Variants in C14orf93 observed in about 807,000 individuals in gnomAD.
C14orf93 encodes the protein chromosome 14 open reading frame 93.
Under a neutral mutation model 44.0 loss-of-function variants are expected in C14orf93, and 23 were observed. The observed-to-expected ratio is 0.52, with a 90% CI of 0.38 to 0.74. The LOEUF (loss-of-function observed/expected upper bound fraction) is 0.74, where lower values mean the gene tolerates loss of function less well. Among genes scored for constraint, C14orf93 ranks in the 30% least tolerant of loss-of-function variants. The pLI is 0.00. For missense variants in C14orf93, 579 were observed against 678.9 expected (o/e 0.85, Z 1.64); for synonymous variants, 253 against 265.7 (o/e 0.95, Z 0.46).
At chr14:23,008,823 C>G (rs571648559) in intron 1 of C14orf93, among the ~76,000 whole-genome samples, 2 of 152,212 alleles carry the variant, frequency 1.3e-5, no homozygotes, top group African/African-American at 4.8e-5. Context: ...AAAGGCATTT[C>G]TTATCCCTTC....
intron 2 of C14orf93, among the ~76,000 whole-genome samples, chr14:22,997,325 T>C (rs1444466520): frequency 1.3e-5 from 2 of 152,166 alleles, no homozygotes; most frequent in Non-Finnish European, 1.5e-5. Flanking sequence ...TATGTATTCA[T>C]TTCTCAGATC....
Position 22,987,495 on chromosome 14 carries a change from CG to C in C14orf93, c.1336del (p.Arg446ValfsTer81). 2.5e-6 allele frequency: 4 copies of C among 1,614,224 alleles called. No homozygotes were observed. Among genetic ancestry groups the C allele is most frequent in the Non-Finnish European group, 3.4e-6 (4 of 1,180,048 alleles). On this transcript the variant is annotated frameshift_variant, in exon 7 of 7. Coordinates refer to ENST00000299088, the MANE Select transcript of C14orf93 (RefSeq NM_021944.4). LOFTEE classifies it high-confidence loss of function. This position sits in a 1 kb window ranked among gnomAD's most constrained non-coding sequence, Gnocchi z 5.6. ...EPGVWVARPP[R>X]FRAQRLTELC... ...CTCTGTGAGGCGCTGGGCCCGGAAACGGGGAGGGCGGGCCACCCACACACCT... is the reference window on the plus strand; with the variant it reads ...CTCTGTGAGGCGCTGGGCCCGGAAACGGGAGGGCGGGCCACCCACACACCT...
Position 22,986,812 on chromosome 14 carries a change from C to T in C14orf93, c.*403G>A, listed in dbSNP as rs2045249700. Reference sequence around the variant, plus strand: ...TCCACTGCAGAGCAAGACAAGTAGTCACAGGGAAGCAAAAGGTACAACCTG... The same window carrying T: ...TCCACTGCAGAGCAAGACAAGTAGTTACAGGGAAGCAAAAGGTACAACCTG... On this transcript the variant is annotated 3_prime_UTR_variant, in exon 7 of 7. Transcript: ENST00000299088. The T allele has an allele frequency of 1.4e-5, 3 of 215,330 alleles. No homozygotes were observed. The Admixed American group carries it at 1.6e-4, about 11-fold the overall frequency. The allele number at this position is 215,330 out of a possible 1,614,324, so 13.3% of individuals were successfully genotyped here. A position where few individuals can be genotyped will look rare whatever the true frequency, so the allele number is the denominator to read the frequency against.
At position 22,987,146 on chromosome 14, in the gene C14orf93, A is replaced by C; in HGVS notation, c.*69T>G. On this transcript the variant is annotated 3_prime_UTR_variant, in exon 7 of 7. Transcript: ENST00000299088. This position sits in a 1 kb window ranked among gnomAD's most constrained non-coding sequence, Gnocchi z 5.6. ...CACAGAGCATCTCATTATTTTGTGA[A>C]GCCCCATGGCCACCTATTTCTGAGA... The C allele has an allele frequency of 1.4e-6, 2 of 1,454,402 alleles. No individual in the cohort carries two copies. The highest frequency in any genetic ancestry group is 1.8e-6 in the Non-Finnish European group (2 of 1,083,234). The allele number at this position is 1,454,402 out of a possible 1,614,324, so 90.1% of individuals were successfully genotyped here.
At chr14:23,009,327 C>T (rs562496759) in intron 1 of C14orf93, among the ~76,000 whole-genome samples, 74 of 152,086 alleles carry the variant, frequency 4.9e-4, no homozygotes, top group African/African-American at 1.5e-3. Context: ...GGGAAGACAA[C>T]GGAAAAAAAT....
intron 1 of C14orf93, among the ~76,000 whole-genome samples, 169 bp from the exon 2 acceptor site, chr14:22,999,571 T>C (rs758628676): frequency 5.4e-4 from 82 of 152,326 alleles, no homozygotes; most frequent in Admixed American, 1.8e-3. Flanking sequence ...CTAGGAAACA[T>C]ATTACTCCAG....
At chr14:22,997,196 C>T (rs1365017830) in intron 2 of C14orf93, among the ~76,000 whole-genome samples, 9 of 152,290 alleles carry the variant, frequency 5.9e-5, no homozygotes, top group East Asian at 5.8e-4. Context: ...GCTGGAACCA[C>T]GGAGAGTCCT....
Position 22,996,244 on chromosome 14 carries a change from C to G in C14orf93, c.622G>C (p.Glu208Gln). ...NPLVDDYVAS[E>Q]GAVQRVLVPA... ...ACCAGAACTCGCTGTACTGCACCCT[C>G]AGAGGCCACGTAATCATCCACCAGC... Residue 208 changes from glutamate (E) to glutamine (Q), a missense_variant, in exon 3 of 7, where the codon GAG (glutamate) becomes CAG (glutamine). Physicochemically the swap from Glu to Gln is conservative, Grantham distance 29 (BLOSUM62 2). Transcript: ENST00000299088. This position sits in a 1 kb window ranked among gnomAD's most constrained non-coding sequence, Gnocchi z 4.1. 6.4e-7 allele frequency: 1 copy of G among 1,565,988 alleles called. No individual in the cohort carries two copies. The highest frequency in any genetic ancestry group is 1.2e-5 in the South Asian group (1 of 85,864).
chr14:22,991,347 A>G (rs10873070), intron 3 of C14orf93, among the ~76,000 whole-genome samples: 104,913 of 146,346 alleles, frequency 0.72, 38,550 homozygotes, highest in African/African-American at 0.92. Context: ...GGGTTCAAGC[A>G]ATTCTCCTGC....
chr14:23,007,188 C>T (rs763933383), intron 1 of C14orf93: 1 of 152,282 alleles, frequency 6.6e-6, no homozygotes, highest in African/African-American at 2.4e-5. Flanking sequence ...CCCCGTTTGC[C>T]TTCTGGCTCC....
rs1040759178 is a variant in C14orf93 at position 22,986,874 on chromosome 14, G to A, written c.*341C>T. 1.0e-5 allele frequency: 3 copies of A among 296,792 alleles called. No individual in the cohort carries two copies. Among genetic ancestry groups the A allele is most frequent in the African/African-American group, 6.5e-5 (3 of 45,948 alleles). The allele number at this position is 296,792 out of a possible 1,614,324, so 18.4% of individuals were successfully genotyped here. A position where few individuals can be genotyped will look rare whatever the true frequency, so the allele number is the denominator to read the frequency against. On this transcript the variant is annotated 3_prime_UTR_variant, in exon 7 of 7. Coordinates refer to ENST00000299088, the MANE Select transcript of C14orf93 (RefSeq NM_021944.4). ...CAGAGCTTTGGGTGGAACTGGGCAG[G>A]GGCAGAAACAACTCAGAGACAGGGC...
chr14:22,996,202 G>T lies in C14orf93; in HGVS notation c.664C>A (p.Gln222Lys). The change falls in exon 3 of 7, where the codon CAA becomes AAA. Residue 222 changes from glutamine to lysine, a missense_variant. Transcript: ENST00000299088. The surrounding 1 kb of genome is among the most constrained non-coding windows in gnomAD (Gnocchi z 4.1). ...QRVLVPAYAK[Q>K]LSPATQLAIQ... Reference sequence around the variant, plus strand: ...GCCAGTTGTGTGGCTGGTGAGAGTTGCTTGGCATAAGCAGGGACCAGAACT... The same window carrying T: ...GCCAGTTGTGTGGCTGGTGAGAGTTTCTTGGCATAAGCAGGGACCAGAACT... The T allele has an allele frequency of 6.2e-7, 1 of 1,611,850 alleles. No homozygotes were observed. Among genetic ancestry groups the T allele is most frequent in the Non-Finnish European group, 8.5e-7 (1 of 1,178,520 alleles).
intron 3 of C14orf93, among the ~76,000 whole-genome samples, chr14:22,992,420 C>T (rs1216673340): frequency 5.5e-5 from 8 of 145,660 alleles, no homozygotes; most frequent in Non-Finnish European, 3.0e-5. Context: ...GAGCTGAGAT[C>T]GTGCCACTGC....
At position 22,987,923 on chromosome 14, in the gene C14orf93, G is replaced by A; in HGVS notation, c.1177C>T (p.Leu393Phe). The change falls in exon 6 of 7, where the codon CTT becomes TTT. Residue 393 changes from leucine to phenylalanine, a missense_variant. By Grantham distance (22) the Leu-to-Phe change is conservative. Coordinates refer to ENST00000299088, the MANE Select transcript of C14orf93 (RefSeq NM_021944.4). This position sits in a 1 kb window ranked among gnomAD's most constrained non-coding sequence, Gnocchi z 5.6. ...CCTACCCGATATCGGCGACTTCGAA[G>A]TTTCTTCTCCTCTTTTTCCTTCAGG... is the stretch of plus-strand genomic sequence containing the variant. ...KGLKEKEEKKLRSRRYRLFAN... is the reference protein window; with the variant it reads ...KGLKEKEEKKFRSRRYRLFAN... The A allele has an allele frequency of 6.2e-7, 1 of 1,613,768 alleles. No homozygotes were observed. Among genetic ancestry groups the A allele is most frequent in the South Asian group, 1.1e-5 (1 of 91,066 alleles).
At chr14:22,997,362 C>T (rs1033570806) in intron 2 of C14orf93, among the ~76,000 whole-genome samples, 8 of 152,188 alleles carry the variant, frequency 5.3e-5, no homozygotes, top group Admixed American at 2.6e-4. Flanking sequence ...AGTTTCATCC[C>T]TCCCATCTAC....
At position 22,986,072 on chromosome 14, in the gene C14orf93, A is replaced by C. The variant is rs898007313; in HGVS notation, c.*1143T>G. Reference sequence around the variant, plus strand: ...CCCCAAAAGTCTGCAGTAGAACTGGACCTTGTCTGTACTCTCTCTTGCCCC... The same window carrying C: ...CCCCAAAAGTCTGCAGTAGAACTGGCCCTTGTCTGTACTCTCTCTTGCCCC... On this transcript the variant is annotated 3_prime_UTR_variant, in exon 7 of 7. Transcript: ENST00000299088. 3.3e-5 allele frequency: 5 copies of C among 152,206 alleles called. No individual in the cohort carries two copies. The highest frequency in any genetic ancestry group is 9.7e-5 in the African/African-American group (4 of 41,414). 9.4% of individuals were successfully genotyped at this position (152,206 alleles called of 1,614,324 possible).
chr14:23,001,839 TAAAAAAAAAAAAAAA>T lies in C14orf93; in HGVS notation c.-379-2452_-379-2438del, dbSNP rs780256403. 8.2e-4 allele frequency among the ~76,000 whole-genome samples: 49 copies of T among 59,550 alleles called. 1 individual carries two copies. Among genetic ancestry groups the T allele is most frequent in the Non-Finnish European group, 1.2e-3 (43 of 34,964 alleles). 39.1% of individuals were successfully genotyped at this position (59,550 alleles called of 152,430 possible). A position where few individuals can be genotyped will look rare whatever the true frequency, so the allele number is the denominator to read the frequency against. The stretch of plus-strand genomic sequence containing the variant: ...TCCAAAACAGCACTGTACTGCAGGT[TAAAAAAAAAAAAAAA>T]AAAAAAAAAAAAAGGGCTGGGCGGT... On this transcript the variant is annotated intron_variant, in intron 1 of 6. Transcript: ENST00000299088.
In C14orf93 at chr14:22,998,887, A is replaced by T; in HGVS notation, c.137T>A (p.Ile46Asn). 6.2e-7 allele frequency: 1 copy of T among 1,613,728 alleles called. No individual in the cohort carries two copies. Among genetic ancestry groups the T allele is most frequent in the East Asian group, 2.2e-5 (1 of 44,784 alleles). The change falls in exon 2 of 7, where the codon ATC (isoleucine) becomes AAC (asparagine). Residue 46 changes from isoleucine to asparagine, a missense_variant. Coordinates refer to ENST00000299088, the MANE Select transcript of C14orf93 (RefSeq NM_021944.4). ...AGCCAAGCCATGTCCAGTCACTGTG[A>T]TGGGGGTGCTGGGAGGAGGATTCCC... ...QGGNPPPSTP[I>N]TVTGHGLAVQ...
intron 2 of C14orf93, among the ~76,000 whole-genome samples, chr14:22,997,160 C>T (rs867947868): frequency 1.7e-4 from 26 of 152,148 alleles, no homozygotes; most frequent in African/African-American, 6.3e-4. Flanking sequence ...ACCTTTCTGC[C>T]TCCCACCTTC....
Sources: allele counts gnomAD v4.1 joint callset (sites outside exome capture counted in the v4.1 genomes callset), GRCh38; gene constraint gnomAD v4.1.1; non-coding constraint Gnocchi (gnomAD v3.1); transcripts MANE v1.5; gene names NCBI Gene and HGNC (gene_info 2026-07-23, HGNC 2026-07-21).